Variants in LRRTM4 observed in about 807,000 individuals in gnomAD.
LRRTM4 encodes leucine-rich repeat transmembrane neuronal protein 4.
A neutral mutation model predicts 47.6 loss-of-function variants in LRRTM4; 25 were observed. The ratio of observed to expected loss-of-function variants is 0.53; its 90% CI spans 0.38 to 0.73. The LOEUF is 0.73. LRRTM4 is among the 30% of genes least tolerant of loss of function. LRRTM4 has a pLI of 0.00. For missense variants in LRRTM4, 638 were observed against 713.4 expected (o/e 0.89, Z 1.20); for synonymous variants, 311 against 269.5 (o/e 1.15, Z -1.51).
At chr2:76,963,825 G>A (rs1012378129) in intron 3 of LRRTM4, among the ~76,000 whole-genome samples, 12 of 150,438 alleles carry the variant, frequency 8.0e-5, no homozygotes, top group Non-Finnish European at 1.6e-4. Flanking sequence ...GTTAATGGCA[G>A]ATAAACATTT....
At chr2:76,931,732 A>C (rs1480728627) in intron 3 of LRRTM4, among the ~76,000 whole-genome samples, 2 of 152,070 alleles carry the variant, frequency 1.3e-5, no homozygotes, top group East Asian at 3.9e-4. Flanking sequence ...TTTGGCCCTC[A>C]GTTCCAACGT....
chr2:76,998,490 C>T (rs1677285122), intron 3 of LRRTM4, among the ~76,000 whole-genome samples: 1 of 152,036 alleles, frequency 6.6e-6, no homozygotes, highest in Admixed American at 6.6e-5. Context: ...ACACACACCA[C>T]CCCTCCCCAA....
At chr2:76,761,673 G>T (rs901083497) in intron 3 of LRRTM4, among the ~76,000 whole-genome samples, 1 of 152,092 alleles carries the variant, frequency 6.6e-6, no homozygotes, top group Non-Finnish European at 1.5e-5. Context: ...GGGAAGAAAG[G>T]ATATTTTTAT....
At chr2:77,246,347 A>AT (rs1055754589) in intron 3 of LRRTM4, among the ~76,000 whole-genome samples, 5 of 152,198 alleles carry the variant, frequency 3.3e-5, no homozygotes, top group African/African-American at 1.2e-4. Context: ...GCATGGGTCC[A>AT]ATTCTGGTGA....
chr2:77,023,399 T>C (rs1393853347), intron 3 of LRRTM4, among the ~76,000 whole-genome samples: 3 of 152,240 alleles, frequency 2.0e-5, no homozygotes, highest in Non-Finnish European at 4.4e-5. Context: ...GTGTCACTTA[T>C]GTAAATACCT....
chr2:76,910,753 T>C (rs1674025078), intron 3 of LRRTM4, among the ~76,000 whole-genome samples: 1 of 152,190 alleles, frequency 6.6e-6, no homozygotes, highest in Non-Finnish European at 1.5e-5. Context: ...ACAACCATGG[T>C]GTGAAATGTT....
intron 3 of LRRTM4, among the ~76,000 whole-genome samples, chr2:77,074,635 T>A (rs76120425): frequency 2.5e-3 from 379 of 152,272 alleles, no homozygotes; most frequent in African/African-American, 8.8e-3. Flanking sequence ...CTGTGAATTA[T>A]AGTCTACTAC....
At chr2:77,083,977 T>C (rs1415578894) in intron 3 of LRRTM4, among the ~76,000 whole-genome samples, 1 of 151,620 alleles carries the variant, frequency 6.6e-6, no homozygotes, top group Non-Finnish European at 1.5e-5. Context: ...GCTAATTTTT[T>C]TATATTTTTA....
chr2:77,086,333 C>CCA (rs775033099), intron 3 of LRRTM4, among the ~76,000 whole-genome samples: 1 of 152,046 alleles, frequency 6.6e-6, no homozygotes, highest in Non-Finnish European at 1.5e-5. Context: ...TTGTCTGCCT[C>CCA]CAAAGTTTAT....
chr2:76,831,002 T>C (rs1671335194), intron 3 of LRRTM4, among the ~76,000 whole-genome samples: 1 of 152,120 alleles, frequency 6.6e-6, no homozygotes, highest in South Asian at 2.1e-4. Flanking sequence ...GGATTTGAAT[T>C]ACTAATCAAT....
intron 3 of LRRTM4, among the ~76,000 whole-genome samples, chr2:77,142,368 G>T (rs915150123): frequency 2.0e-5 from 3 of 151,806 alleles, no homozygotes; most frequent in Non-Finnish European, 4.4e-5. Flanking sequence ...CCAAGGACTA[G>T]ACTAGATCGA....
rs71656252 is a variant in LRRTM4, at chr2:77,351,614, TTATATATA to T, written c.1551+166696_1551+166703del. ...ATGCTTTTGTGAAACCATGACAAAT[TTATATATA>T]TATATATATATATATATAGTTAATG... On this transcript the variant is annotated intron_variant, in intron 3 of 3. Transcript: ENST00000409884. 3.5e-4 allele frequency among the ~76,000 whole-genome samples: 47 copies of T among 135,408 alleles called. 1 individual carries two copies. The highest frequency in any genetic ancestry group is 1.2e-3 in the African/African-American group (42 of 35,672). The allele number at this position is 135,408 out of a possible 152,430, so 88.8% of individuals were successfully genotyped here.
chr2:76,959,346 G>A (rs1034574201), intron 3 of LRRTM4, among the ~76,000 whole-genome samples: 1 of 151,232 alleles, frequency 6.6e-6, no homozygotes, highest in Admixed American at 6.6e-5. Flanking sequence ...CTGAAATGAA[G>A]AAAGTCACAT....
chr2:76,783,332 A>G (rs967872394), intron 3 of LRRTM4, among the ~76,000 whole-genome samples: 6 of 152,172 alleles, frequency 3.9e-5, no homozygotes, highest in African/African-American at 1.4e-4. Flanking sequence ...TGGTTGGAAA[A>G]GTCATTTGTG....
At chr2:77,162,232 C>A (rs1573024214) in intron 3 of LRRTM4, among the ~76,000 whole-genome samples, 1 of 152,304 alleles carries the variant, frequency 6.6e-6, no homozygotes, top group East Asian at 1.9e-4. Context: ...GCTAGTACAG[C>A]AGTCTGAGAT....
chr2:77,322,948 CACT>C (rs1374135824), intron 3 of LRRTM4, among the ~76,000 whole-genome samples: 1 of 151,546 alleles, frequency 6.6e-6, no homozygotes, highest in Non-Finnish European at 1.5e-5. Context: ...GTAATAAAAA[CACT>C]ACAATAGTAA....
chr2:76,955,678 T>C (rs979391315), intron 3 of LRRTM4, among the ~76,000 whole-genome samples: 17 of 151,730 alleles, frequency 1.1e-4, no homozygotes, highest in Non-Finnish European at 2.4e-4. Flanking sequence ...TGGAGCTCTC[T>C]TGAATGGAAT....
intron 3 of LRRTM4, among the ~76,000 whole-genome samples, chr2:76,762,373 T>C (rs771571368): frequency 7.9e-5 from 12 of 152,134 alleles, no homozygotes; most frequent in Non-Finnish European, 1.5e-4. Context: ...ATTTCTATAA[T>C]ATTATTTTTG....
intron 3 of LRRTM4, among the ~76,000 whole-genome samples, chr2:77,103,647 G>A (rs933453178): frequency 4.8e-5 from 6 of 124,126 alleles, no homozygotes; most frequent in East Asian, 6.5e-4. Context: ...ATACATGAGT[G>A]TATATATATA....
Sources: gnomAD v4.1 joint callset for allele counts (sites outside exome capture counted in the v4.1 genomes callset) on GRCh38, gnomAD v4.1.1 for gene constraint, MANE v1.5 for transcripts, NCBI Gene and HGNC (gene_info 2026-07-23, HGNC 2026-07-21) for gene names.